Variants in TERF2 observed in about 807,000 individuals in gnomAD.
TERF2 encodes telomeric repeat-binding factor 2.
A neutral mutation model predicts 56.1 loss-of-function variants in TERF2; 16 were observed. The ratio of observed to expected loss-of-function variants is 0.29; its 90% CI spans 0.19 to 0.43. The LOEUF (loss-of-function observed/expected upper bound fraction) is 0.43, where lower values mean the gene tolerates loss of function less well. Ranked by LOEUF, TERF2 falls within the 20% of genes least tolerant of loss-of-function variation. The probability of loss-of-function intolerance (pLI) is 1.00; values close to 1 mark genes in which losing one functional copy is unlikely to be tolerated. For missense variants in TERF2, 547 were observed against 712.9 expected, an observed-to-expected ratio of 0.77 and a Z score of 2.65; for synonymous variants, 296 against 282.1, an observed-to-expected ratio of 1.05 and a Z score of -0.50.
Position 69,385,579 on chromosome 16 carries a change from G to T in TERF2, c.379+14C>A, listed in dbSNP as rs763822627. 1.3e-5 allele frequency: 7 copies of T among 521,382 alleles called. No individual in the cohort carries two copies. Among genetic ancestry groups the T allele is most frequent in the Non-Finnish European group, 1.5e-5 (5 of 334,816 alleles). The allele number at this position is 521,382 out of a possible 1,614,324, so 32.3% of individuals were successfully genotyped here. On this transcript the variant is annotated intron_variant, in intron 1 of 9. Coordinates refer to ENST00000254942, the MANE Select transcript of TERF2 (RefSeq NM_005652.5). ...CCCGGCGCTCCAACCCCCCTCCCCC[G>T]GCCCGGCCCTCACCCTGCATGATGT...
At chr16:69,370,783 T>C (rs372988964) in intron 4 of TERF2, among the ~76,000 whole-genome samples, 154 bp from the exon 5 acceptor site, 30 of 152,122 alleles carry the variant, frequency 2.0e-4, no homozygotes, top group South Asian at 1.2e-3. Context: ...ACACAAAGGA[T>C]TGGTCAATAA....
intron 8 of TERF2, among the ~76,000 whole-genome samples, chr16:69,360,149 G>A (rs983185548): frequency 6.6e-6 from 1 of 152,070 alleles, no homozygotes; most frequent in African/African-American, 2.4e-5. Flanking sequence ...CACTTTGGGA[G>A]GCTGAGGCGA....
chr16:69,373,155 G>A (rs888702717), intron 3 of TERF2, among the ~76,000 whole-genome samples: 3 of 152,136 alleles, frequency 2.0e-5, no homozygotes, highest in Non-Finnish European at 4.4e-5. Flanking sequence ...GGAGAATGAA[G>A]GGACAACCCC....
Position 69,385,957 on chromosome 16 carries a change from G to T in TERF2, c.15C>A (p.Ala5=), listed in dbSNP as rs1300651428. 1.5e-6 allele frequency: 2 copies of T among 1,356,320 alleles called. No individual in the cohort carries two copies. The highest frequency in any genetic ancestry group is 1.9e-6 in the Non-Finnish European group (2 of 1,054,290). 84.0% of individuals were successfully genotyped at this position (1,356,320 alleles called of 1,614,324 possible). A position where few individuals can be genotyped will look rare whatever the true frequency, so the allele number is the denominator to read the frequency against. The change falls in exon 1 of 10, where the codon GCC becomes GCA. Residue 5 remains alanine (A), a synonymous_variant. Transcript: ENST00000254942. MAAG[A]GTAGPASGPG... ...GGCCGGAAGCGGGGCCCGCCGTCCC[G>T]GCTCCCGCGGCCATGATAGAAACAG...
In TERF2 at chr16:69,376,151, G is replaced by C. The variant is rs577196740; in HGVS notation, c.607-3796C>G. Among the ~76,000 whole-genome samples, 3 of 152,244 alleles carry C rather than the reference G, an allele frequency of 2.0e-5. No homozygotes were observed. In the South Asian group the frequency reaches 6.2e-4, roughly 32 times the overall value. On this transcript the variant is annotated intron_variant, in intron 3 of 9. Coordinates refer to ENST00000254942, the MANE Select transcript of TERF2 (RefSeq NM_005652.5). Reference sequence around the variant, plus strand: ...TTTTTGCCTAACTCCAGGACATAAAGATTCCTTCATGTTTCCTCTAAGTTT... The same window carrying C: ...TTTTTGCCTAACTCCAGGACATAAACATTCCTTCATGTTTCCTCTAAGTTT...
intron 6 of TERF2, among the ~76,000 whole-genome samples, 167 bp downstream of exon 6, chr16:69,368,209 C>T (rs936156220): frequency 2.0e-5 from 3 of 152,158 alleles, no homozygotes; most frequent in Non-Finnish European, 4.4e-5. Context: ...ATCCTGTTTC[C>T]TTATCTTCCC....
intron 4 of TERF2, among the ~76,000 whole-genome samples, chr16:69,371,835 T>C (rs556381454): frequency 1.3e-5 from 2 of 151,512 alleles, no homozygotes; most frequent in South Asian, 4.2e-4. Context: ...AATAAACAAA[T>C]GAATAAAAAG....
At chr16:69,378,050 C>T (rs2013860008) in intron 3 of TERF2, among the ~76,000 whole-genome samples, 1 of 152,074 alleles carries the variant, frequency 6.6e-6, no homozygotes, top group Non-Finnish European at 1.5e-5. Context: ...TTGTAGACAC[C>T]TTTTATCAGG....
intron 8 of TERF2, among the ~76,000 whole-genome samples, chr16:69,357,998 A>C (rs1271237920): frequency 1.3e-5 from 2 of 149,514 alleles, no homozygotes; most frequent in Non-Finnish European, 3.0e-5. Flanking sequence ...GCCCGCCACC[A>C]CGCCCGGCTA....
At position 69,356,195 on chromosome 16, in the gene TERF2, CA is replaced by C. The variant is rs780001516; in HGVS notation, c.*702del. ...AACTTGACGTGGAACAAATTTACTC[CA>C]AATAATACTCACATTGCTGGTTTTA... On this transcript the variant is annotated 3_prime_UTR_variant, in exon 10 of 10. Transcript: ENST00000254942. 59 of 455,392 alleles carry C rather than the reference CA, an allele frequency of 1.3e-4. No individual in the cohort carries two copies. The highest frequency in any genetic ancestry group is 3.2e-4 in the Middle Eastern group (1 of 3,092). 28.2% of individuals were successfully genotyped at this position (455,392 alleles called of 1,614,324 possible).
At chr16:69,360,952 C>T (rs1044042841) in intron 8 of TERF2, among the ~76,000 whole-genome samples, 2 of 151,950 alleles carry the variant, frequency 1.3e-5, no homozygotes, top group African/African-American at 2.4e-5. Flanking sequence ...GACTCCTTGA[C>T]CAGGGCACAG....
chr16:69,370,449 A>C (rs769803749), intron 5 of TERF2, 34 bp downstream of exon 5: 1 of 1,605,688 alleles, frequency 6.2e-7, no homozygotes, highest in South Asian at 1.1e-5. Context: ...CCTCAAGGGC[A>C]CACCATGGTT....
intron 8 of TERF2, among the ~76,000 whole-genome samples, chr16:69,361,106 A>G (rs2013120496): frequency 1.3e-5 from 2 of 151,840 alleles, no homozygotes; most frequent in Non-Finnish European, 2.9e-5. Context: ...GGTGGTGCAC[A>G]CCTGCAGTCC....
At chr16:69,381,477 T>G (rs112221783) in intron 3 of TERF2, among the ~76,000 whole-genome samples, 1 of 151,718 alleles carries the variant, frequency 6.6e-6, no homozygotes, top group Non-Finnish European at 1.5e-5. Context: ...ATACTTCCTC[T>G]TATTTTTTTT....
In TERF2 at chr16:69,368,382, G is replaced by C; in HGVS notation, c.941C>G (p.Pro314Arg). ...CAAGAGAGCATCTTTTTACCTTGCG[G>C]GTTCTCTGGGTGGCTTTTCCACAGG... Reference protein sequence around the residue: ...PGPVEKPPREPARQLRNPPTT... With the variant: ...PGPVEKPPRERARQLRNPPTT... The change falls in exon 6 of 10, where the codon CCC (proline) becomes CGC (arginine). Residue 314 changes from proline (P) to arginine (R), a missense_variant. Pro to Arg is a moderately radical substitution (Grantham distance 103, BLOSUM62 -2). Transcript: ENST00000254942. 1 of 1,613,748 alleles carries C rather than the reference G, an allele frequency of 6.2e-7. No individual in the cohort carries two copies. Among genetic ancestry groups the C allele is most frequent in the Non-Finnish European group, 8.5e-7 (1 of 1,180,004 alleles).
chr16:69,380,097 G>C (rs1260936130), intron 3 of TERF2, among the ~76,000 whole-genome samples: 3 of 151,892 alleles, frequency 2.0e-5, no homozygotes, highest in Admixed American at 6.6e-5. Context: ...ATTTTTGGTA[G>C]AGACAGGGTT....
intron 7 of TERF2, among the ~76,000 whole-genome samples, chr16:69,362,557 T>C (rs746877753): frequency 6.6e-6 from 1 of 152,140 alleles, no homozygotes; most frequent in Non-Finnish European, 1.5e-5. Flanking sequence ...AGTTATACCA[T>C]CAAAGATTAG....
rs762744055 is a variant in TERF2 at position 69,385,685 on chromosome 16, C to A, written c.287G>T (p.Arg96Leu). Residue 96 changes from arginine to leucine, a missense_variant, in exon 1 of 10, where the codon CGC (arginine) becomes CTC (leucine). Arg to Leu is a moderately radical substitution (Grantham distance 102). Around this residue, in one of 6 missense-constraint regions of TERF2, gnomAD observed 120 missense variants for 172.4 expected, o/e 0.70. Coordinates refer to ENST00000254942, the MANE Select transcript of TERF2 (RefSeq NM_005652.5). The stretch of plus-strand genomic sequence containing the variant: ...GTGGAAGTAGAACTTGAGCACCCAG[C>A]GATTGACTGCCTCTTCCAGCCGTGC... ...GEARLEEAVN[R>L]WVLKFYFHEA... 1.2e-6 allele frequency: 2 copies of A among 1,608,820 alleles called. No individual in the cohort carries two copies. Among genetic ancestry groups the A allele is most frequent in the African/African-American group, 1.3e-5 (1 of 74,704 alleles).
At chr16:69,360,898 TACTCTG>T (rs2013114348) in intron 8 of TERF2, among the ~76,000 whole-genome samples, 1 of 152,102 alleles carries the variant, frequency 6.6e-6, no homozygotes, top group African/African-American at 2.4e-5. Flanking sequence ...CATAAGGCGT[TACTCTG>T]ACAGTCTCCA....
Sources: gnomAD v4.1 joint callset for allele counts (sites outside exome capture counted in the v4.1 genomes callset) on GRCh38, gnomAD v4.1.1 for gene constraint, gnomAD v4.1.1 regional missense constraint, MANE v1.5 for transcripts, NCBI Gene and HGNC (gene_info 2026-07-23, HGNC 2026-07-21) for gene names.